HYCC2: variants seen among roughly 807,000 people sequenced by gnomAD.
HYCC2 encodes the protein hyccin 2.
chr2:200,987,012 T>G, the HYCC2 span, among the ~76,000 whole-genome samples: 1 of 152,356 alleles, frequency 6.6e-6, no homozygotes, highest in East Asian at 1.9e-4. Flanking sequence ...TCATGTCCAC[T>G]GGGTGCATTT....
chr2:200,981,058 T>C, the HYCC2 span: 6 of 617,684 alleles, frequency 9.7e-6, no homozygotes, highest in African/African-American at 7.4e-5. This position sits in a 1 kb window ranked among gnomAD's most constrained non-coding sequence, Gnocchi z 4.5. Context: ...CACAAACACA[T>C]TTACAAGGGA....
chr2:201,051,660 C>T, the HYCC2 span, among the ~76,000 whole-genome samples: 4 of 152,052 alleles, frequency 2.6e-5, no homozygotes, highest in African/African-American at 4.8e-5. Context: ...AAAACATTTT[C>T]GAGAGAAAAT....
the HYCC2 span, among the ~76,000 whole-genome samples, chr2:201,041,834 A>C: frequency 6.6e-6 from 1 of 152,266 alleles, no homozygotes; most frequent in Non-Finnish European, 1.5e-5. Flanking sequence ...CAGACAACTC[A>C]TTTAAACCCT....
At chr2:201,024,166 G>T in the HYCC2 span, 1 of 543,408 alleles carries the variant, frequency 1.8e-6, no homozygotes. Flanking sequence ...ACTTGTCTTA[G>T]TTTGGAGCAC....
At chr2:200,997,658 C>A in the HYCC2 span, 1 of 634,472 alleles carries the variant, frequency 1.6e-6, no homozygotes. Context: ...AATATAGCAT[C>A]TTCCTCAAAG....
the HYCC2 span, among the ~76,000 whole-genome samples, chr2:201,002,818 C>T: frequency 7.2e-5 from 11 of 152,066 alleles, no homozygotes; most frequent in African/African-American, 2.4e-4. Context: ...CCACTGCACC[C>T]GGCCACAGAT....
the HYCC2 span, among the ~76,000 whole-genome samples, chr2:201,006,295 A>ATTT: frequency 1.4e-4 from 19 of 134,784 alleles, no homozygotes; most frequent in African/African-American, 2.5e-4. Context: ...CGCCTGGTTA[A>ATTT]TTTTTTTTTT....
chr2:201,028,859 C>A, the HYCC2 span, among the ~76,000 whole-genome samples: 3 of 152,122 alleles, frequency 2.0e-5, no homozygotes, highest in South Asian at 2.1e-4. Flanking sequence ...ACCATAAAAA[C>A]CCTAGAAGAA....
At chr2:201,006,169 C>A in the HYCC2 span, among the ~76,000 whole-genome samples, 1 of 149,790 alleles carries the variant, frequency 6.7e-6, no homozygotes, top group Non-Finnish European at 1.5e-5. Context: ...GCTCTGTCAC[C>A]CAGGCTGGAG....
At chr2:201,047,558 T>C in the HYCC2 span, among the ~76,000 whole-genome samples, 1 of 150,654 alleles carries the variant, frequency 6.6e-6, no homozygotes, top group Non-Finnish European at 1.5e-5. Flanking sequence ...TTTCAAAAAC[T>C]GATGACAGAA....
At chr2:201,009,265 T>C in the HYCC2 span, 1 of 425,910 alleles carries the variant, frequency 2.3e-6, no homozygotes, top group East Asian at 3.6e-5. Flanking sequence ...ATTCTATAGC[T>C]TCTTTTGGAA....
the HYCC2 span, among the ~76,000 whole-genome samples, chr2:201,054,705 T>A: frequency 6.6e-6 from 1 of 151,790 alleles, no homozygotes; most frequent in Admixed American, 6.6e-5. Flanking sequence ...AAAAAAAAAA[T>A]TTTCCCCCAT....
At chr2:201,035,088 G>T in the HYCC2 span, among the ~76,000 whole-genome samples, 1 of 152,096 alleles carries the variant, frequency 6.6e-6, no homozygotes, top group Non-Finnish European at 1.5e-5. Context: ...TCTTGGAGTT[G>T]CTCCTCTTGA....
the HYCC2 span, among the ~76,000 whole-genome samples, chr2:200,985,143 C>T: frequency 6.6e-6 from 1 of 152,148 alleles, no homozygotes; most frequent in East Asian, 1.9e-4. Flanking sequence ...AAGAAAAAGG[C>T]AATTGTGTCT....
the HYCC2 span, among the ~76,000 whole-genome samples, chr2:201,037,619 C>G: frequency 6.6e-6 from 1 of 152,130 alleles, no homozygotes; most frequent in Non-Finnish European, 1.5e-5. Flanking sequence ...TTTGACAAAC[C>G]TGACAAAAAC....
At chr2:201,061,709 A>G in the HYCC2 span, among the ~76,000 whole-genome samples, 2 of 151,954 alleles carry the variant, frequency 1.3e-5, no homozygotes, top group African/African-American at 2.4e-5. Flanking sequence ...TCTTTTCACA[A>G]ATTATTTTAC....
chr2:200,995,022 A>G, the HYCC2 span, among the ~76,000 whole-genome samples: 1 of 151,482 alleles, frequency 6.6e-6, no homozygotes, highest in Admixed American at 6.6e-5. Context: ...AAAAAAAAAG[A>G]AAGAAAAAAA....
chr2:201,020,012 A>T, the HYCC2 span, among the ~76,000 whole-genome samples: 1 of 152,136 alleles, frequency 6.6e-6, no homozygotes, highest in Non-Finnish European at 1.5e-5. Flanking sequence ...TGAGTCCAGG[A>T]GTTTGAGGTT....
At chr2:201,024,056 T>C in the HYCC2 span, 7 of 1,464,380 alleles carry the variant, frequency 4.8e-6, no homozygotes, top group South Asian at 2.3e-5. Flanking sequence ...GAAAAAAGTA[T>C]TGAAGCTGAG....
Sources: allele counts gnomAD v4.1 joint callset (sites outside exome capture counted in the v4.1 genomes callset), GRCh38; gene constraint gnomAD v4.1.1; non-coding constraint Gnocchi (gnomAD v3.1); transcripts MANE v1.5; gene names NCBI Gene and HGNC (gene_info 2026-07-23, HGNC 2026-07-21).